The following RHOU variants were observed in gnomAD, a reference collection of about 807,000 sequenced individuals.
The protein encoded by RHOU is ras homolog family member U.
In RHOU, 8 loss-of-function variants were observed where a neutral mutation model predicts 12.6. The observed-to-expected ratio is 0.64, with a 90% confidence interval of 0.37 to 1.15. The LOEUF (loss-of-function observed/expected upper bound fraction) is 1.15. Ranked by LOEUF, RHOU falls within the 50% of genes most tolerant of loss-of-function variation. RHOU has a pLI of 0.01. For synonymous variants in RHOU, 161 were observed against 147.4 expected, an observed-to-expected ratio of 1.09 and a Z score of -0.67; for missense variants, 258 against 347.0, an observed-to-expected ratio of 0.74 and a Z score of 2.04.
chr1:228,744,466 A>G lies in RHOU; in HGVS notation c.*726A>G, dbSNP rs1484737811. 1.3e-5 allele frequency: 2 copies of G among 152,236 alleles called. No homozygotes were observed. Among genetic ancestry groups the G allele is most frequent in the Admixed American group, 1.3e-4 (2 of 15,286 alleles). 9.4% of individuals were successfully genotyped at this position (152,236 alleles called of 1,614,324 possible). On this transcript the variant is annotated 3_prime_UTR_variant, in exon 3 of 3. Transcript: ENST00000366691. ...GACAAAGTGCTATGCGGAGGAAAGC[A>G]AGTGTTGGTCAGTAGTTTCATGTTT...
At chr1:228,741,587 C>T (rs1662721217) in intron 2 of RHOU, among the ~76,000 whole-genome samples, 1 of 152,262 alleles carries the variant, frequency 6.6e-6, no homozygotes, top group South Asian at 2.1e-4. Context: ...ATCTTCATGA[C>T]TGAGCCATAG....
At chr1:228,697,326 T>A in the RHOU span, among the ~76,000 whole-genome samples, 1 of 152,288 alleles carries the variant, frequency 6.6e-6, no homozygotes, top group East Asian at 1.9e-4. Context: ...TGAATATTCA[T>A]TCCTTTTGTT....
intron 2 of RHOU, among the ~76,000 whole-genome samples, chr1:228,742,569 A>G (rs1662746580): frequency 6.6e-6 from 1 of 152,198 alleles, no homozygotes; most frequent in Non-Finnish European, 1.5e-5. Flanking sequence ...AGGAGGGAGG[A>G]AGAGAAGATA....
chr1:228,683,880 AG>A, the RHOU span, among the ~76,000 whole-genome samples: 1 of 152,160 alleles, frequency 6.6e-6, no homozygotes, highest in Non-Finnish European at 1.5e-5. Flanking sequence ...TGGGAGGGAG[AG>A]GGGTCAGGGT....
chr1:228,676,689 G>A, the RHOU span, among the ~76,000 whole-genome samples: 2 of 152,204 alleles, frequency 1.3e-5, no homozygotes, highest in South Asian at 2.1e-4. Context: ...ATTATCATTA[G>A]TTCTTGCAGG....
chr1:228,653,196 C>T, the RHOU span, among the ~76,000 whole-genome samples: 1 of 152,216 alleles, frequency 6.6e-6, no homozygotes, highest in Non-Finnish European at 1.5e-5. Flanking sequence ...GTCACCCAGG[C>T]TGGAGTGCGT....
At chr1:228,718,526 A>G in the RHOU span, among the ~76,000 whole-genome samples, 1 of 152,116 alleles carries the variant, frequency 6.6e-6, no homozygotes, top group African/African-American at 2.4e-5. Flanking sequence ...GCCAGTCTAG[A>G]AGAGTGTAGA....
chr1:228,737,611 AT>A lies in RHOU; in HGVS notation c.263-60del. On this transcript the variant is annotated intron_variant, in intron 1 of 2. Coordinates refer to ENST00000366691, the MANE Select transcript of RHOU (RefSeq NM_021205.6). This position sits in a 1 kb window ranked among gnomAD's most constrained non-coding sequence, Gnocchi z 4.1. ...GAGAATGATAGTGAAAGCTAAAACT[AT>A]TAGTATTCCGAAAGGGGTTAAAAGA... The A allele has an allele frequency of 6.9e-7, 1 of 1,449,442 alleles. No individual in the cohort carries two copies. The highest frequency in any genetic ancestry group is 9.7e-7 in the Non-Finnish European group (1 of 1,030,164). 89.8% of individuals were successfully genotyped at this position (1,449,442 alleles called of 1,614,324 possible). A position where few individuals can be genotyped will look rare whatever the true frequency, so the allele number is the denominator to read the frequency against.
chr1:228,648,640 C>G, the RHOU span, among the ~76,000 whole-genome samples: 1 of 152,080 alleles, frequency 6.6e-6, no homozygotes, highest in Non-Finnish European at 1.5e-5. Flanking sequence ...TAATTTGATT[C>G]TGAACTCGGT....
the RHOU span, among the ~76,000 whole-genome samples, chr1:228,700,999 G>A: frequency 6.6e-6 from 1 of 152,126 alleles, no homozygotes; most frequent in East Asian, 1.9e-4. Context: ...TGAGGTAGGA[G>A]GATTGCATGA....
chr1:228,699,686 G>A, the RHOU span, among the ~76,000 whole-genome samples: 1 of 151,964 alleles, frequency 6.6e-6, no homozygotes, highest in African/African-American at 2.4e-5. Flanking sequence ...TATCTGTAGT[G>A]ACTTATTTAA....
the RHOU span, among the ~76,000 whole-genome samples, chr1:228,693,668 G>T: frequency 6.6e-6 from 1 of 151,972 alleles, no homozygotes; most frequent in Non-Finnish European, 1.5e-5. Context: ...GGCTTTCACC[G>T]TATTGGCCAG....
At chr1:228,659,532 A>G in the RHOU span, among the ~76,000 whole-genome samples, 1 of 150,940 alleles carries the variant, frequency 6.6e-6, no homozygotes, top group South Asian at 2.1e-4. Flanking sequence ...AAAACAGAGC[A>G]TTAAAAAAAA....
upstream of RHOU, among the ~76,000 whole-genome samples, chr1:228,730,548 T>C (rs1662475845): frequency 6.6e-6 from 1 of 152,238 alleles, no homozygotes; most frequent in South Asian, 2.1e-4. Context: ...CTGAGAATCA[T>C]GTCTCCGGAC....
rs1262014121 is a variant in RHOU, at chr1:228,737,823, T to G, written c.321+92T>G. Reference sequence around the variant, plus strand: ...TTGATTCCCTCAGTCAGTAACTGGGTCATTCTAAAGCCTCATGAAGTGGAC... The same window carrying G: ...TTGATTCCCTCAGTCAGTAACTGGGGCATTCTAAAGCCTCATGAAGTGGAC... On this transcript the variant is annotated intron_variant, in intron 2 of 2. Transcript: ENST00000366691. This position sits in a 1 kb window ranked among gnomAD's most constrained non-coding sequence, Gnocchi z 4.1. 7.2e-7 allele frequency: 1 copy of G among 1,384,856 alleles called. No individual in the cohort carries two copies. 85.8% of individuals were successfully genotyped at this position (1,384,856 alleles called of 1,614,324 possible). A position where few individuals can be genotyped will look rare whatever the true frequency, so the allele number is the denominator to read the frequency against.
upstream of RHOU, chr1:228,735,125 G>C (rs533381769): frequency 6.6e-6 from 1 of 152,274 alleles, no homozygotes; most frequent in South Asian, 2.1e-4. The surrounding 1 kb of genome is among the most constrained non-coding windows in gnomAD (Gnocchi z 8.1). Context: ...TGGCTCGCGT[G>C]GGCGCCAGAA....
chr1:228,691,311 G>A, the RHOU span, among the ~76,000 whole-genome samples: 20 of 151,992 alleles, frequency 1.3e-4, no homozygotes, highest in Non-Finnish European at 1.9e-4. Context: ...TACATTTTAT[G>A]GGTTTTGACA....
the RHOU span, among the ~76,000 whole-genome samples, chr1:228,695,988 G>C: frequency 6.6e-6 from 1 of 152,170 alleles, no homozygotes; most frequent in Non-Finnish European, 1.5e-5. Context: ...AGCATAAAAA[G>C]ACACATCACT....
In RHOU at chr1:228,743,141, C is replaced by T. The variant is rs41270189; in HGVS notation, c.322-144C>T. 138,497 of 784,850 alleles carry T rather than the reference C, an allele frequency of 0.18. 13,687 individuals carry two copies. The highest frequency in any genetic ancestry group is 0.23 in the South Asian group (13,491 of 58,904). The allele number at this position is 784,850 out of a possible 1,614,324, so 48.6% of individuals were successfully genotyped here. A position where few individuals can be genotyped will look rare whatever the true frequency, so the allele number is the denominator to read the frequency against. ...GCCCCGCTTGGGTAAACAGTAGGAT[C>T]GTTTCAAGGATGCTGGCTCTTCCTT... On this transcript the variant is annotated intron_variant, in intron 2 of 2. Transcript: ENST00000366691. The surrounding 1 kb of genome is among the most constrained non-coding windows in gnomAD (Gnocchi z 5.1).
Sources: allele counts gnomAD v4.1 joint callset (sites outside exome capture counted in the v4.1 genomes callset), GRCh38; gene constraint gnomAD v4.1.1; non-coding constraint Gnocchi (gnomAD v3.1); transcripts MANE v1.5; gene names NCBI Gene and HGNC (gene_info 2026-07-23, HGNC 2026-07-21).